QTMAN: variants seen among roughly 807,000 people sequenced by gnomAD.
The protein encoded by QTMAN is queuosine-tRNA mannosyltransferase, also known as tRNA-queuosine alpha-mannosyltransferase.
chr2:144,056,039 A>G, the QTMAN span, among the ~76,000 whole-genome samples: 9 of 151,952 alleles, frequency 5.9e-5, no homozygotes, highest in Admixed American at 5.9e-4. Flanking sequence ...TTTGAAGATT[A>G]TATTAGCTAA....
chr2:143,958,890 A>C, the QTMAN span, among the ~76,000 whole-genome samples: 1 of 151,564 alleles, frequency 6.6e-6, no homozygotes, highest in Non-Finnish European at 1.5e-5. Context: ...CAATGGGATA[A>C]AGTTAAATAC....
chr2:144,177,811 A>C, the QTMAN span, among the ~76,000 whole-genome samples: 26 of 152,312 alleles, frequency 1.7e-4, no homozygotes, highest in East Asian at 5.0e-3. Context: ...AGCCAGTGAA[A>C]TTTTCTAGTA....
the QTMAN span, among the ~76,000 whole-genome samples, chr2:144,150,383 A>G: frequency 1.1e-4 from 17 of 152,128 alleles, no homozygotes; most frequent in African/African-American, 3.9e-4. Context: ...AGTATTTTCT[A>G]TGATGATGAA....
chr2:144,023,317 A>G, the QTMAN span, among the ~76,000 whole-genome samples: 1 of 152,166 alleles, frequency 6.6e-6, no homozygotes, highest in African/African-American at 2.4e-5. Flanking sequence ...GGAAAAAAAA[A>G]GAAAAGAAAA....
chr2:144,217,456 T>C, the QTMAN span, among the ~76,000 whole-genome samples: 1 of 151,978 alleles, frequency 6.6e-6, no homozygotes, highest in Non-Finnish European at 1.5e-5. Flanking sequence ...TATAACACGG[T>C]ATATGTTTTA....
the QTMAN span, among the ~76,000 whole-genome samples, chr2:144,215,021 C>G: frequency 2.0e-5 from 3 of 151,956 alleles, no homozygotes; most frequent in Non-Finnish European, 2.9e-5. Flanking sequence ...GGTAGGAGAA[C>G]TGCTTGAACC....
At chr2:144,193,468 G>A in the QTMAN span, among the ~76,000 whole-genome samples, 227 of 147,792 alleles carry the variant, frequency 1.5e-3, 1 homozygote, top group African/African-American at 5.5e-3. Flanking sequence ...TATATGTTAT[G>A]TATATATTAT....
the QTMAN span, among the ~76,000 whole-genome samples, chr2:144,029,544 C>T: frequency 6.6e-6 from 1 of 151,722 alleles, no homozygotes; most frequent in Non-Finnish European, 1.5e-5. Flanking sequence ...TTTAGTTGCA[C>T]TAAGAACTCA....
the QTMAN span, among the ~76,000 whole-genome samples, chr2:144,120,479 G>T: frequency 6.6e-6 from 1 of 152,152 alleles, no homozygotes; most frequent in African/African-American, 2.4e-5. Context: ...AAGATAACCA[G>T]AAGGAAATAA....
At chr2:144,215,262 AT>A in the QTMAN span, among the ~76,000 whole-genome samples, 42 of 143,300 alleles carry the variant, frequency 2.9e-4, no homozygotes, top group Middle Eastern at 3.6e-3. Flanking sequence ...AAAAAAAAAA[AT>A]ATATATATAT....
the QTMAN span, chr2:144,128,292 A>G: frequency 6.6e-6 from 1 of 152,020 alleles, no homozygotes; most frequent in African/African-American, 2.4e-5. Flanking sequence ...TCACTCTTCA[A>G]ATAAGTTTTA....
chr2:144,291,161 T>C, the QTMAN span, among the ~76,000 whole-genome samples: 4 of 152,218 alleles, frequency 2.6e-5, no homozygotes, highest in African/African-American at 9.7e-5. Flanking sequence ...CCAGTCATAT[T>C]AGATTAGGGC....
At chr2:144,052,785 G>A in the QTMAN span, among the ~76,000 whole-genome samples, 4 of 152,130 alleles carry the variant, frequency 2.6e-5, no homozygotes, top group Non-Finnish European at 5.9e-5. Context: ...CTAAGTAGCT[G>A]GGATTACAGG....
the QTMAN span, among the ~76,000 whole-genome samples, chr2:144,158,149 T>C: frequency 2.6e-5 from 4 of 152,110 alleles, no homozygotes; most frequent in South Asian, 8.3e-4. Flanking sequence ...TAACAACTCC[T>C]TGTCTTGAAA....
At chr2:144,193,505 CGTGTGTGTGT>C in the QTMAN span, among the ~76,000 whole-genome samples, 3 of 146,130 alleles carry the variant, frequency 2.1e-5, no homozygotes, top group Non-Finnish European at 4.5e-5. Flanking sequence ...ATATATATTA[CGTGTGTGTGT>C]GTGTGTGTAT....
chr2:144,286,757 C>T, the QTMAN span, among the ~76,000 whole-genome samples: 1 of 152,084 alleles, frequency 6.6e-6, no homozygotes, highest in African/African-American at 2.4e-5. Flanking sequence ...GGGACAACTC[C>T]ACAGATTTGA....
chr2:144,147,459 C>T, the QTMAN span, among the ~76,000 whole-genome samples: 1 of 151,836 alleles, frequency 6.6e-6, no homozygotes, highest in African/African-American at 2.4e-5. Context: ...ACCTAAAAAT[C>T]TGATCTTTAG....
the QTMAN span, among the ~76,000 whole-genome samples, chr2:144,027,719 AAC>A: frequency 2.0e-5 from 3 of 152,220 alleles, no homozygotes; most frequent in Admixed American, 6.5e-5. Flanking sequence ...CATTGCTTTA[AAC>A]ACACACGCAC....
chr2:144,288,941 A>T, the QTMAN span, among the ~76,000 whole-genome samples: 1 of 152,178 alleles, frequency 6.6e-6, no homozygotes, highest in Non-Finnish European at 1.5e-5. Context: ...AAAGGAAGGA[A>T]GAAAGAGAAC....
Sources: allele counts gnomAD v4.1 joint callset (sites outside exome capture counted in the v4.1 genomes callset), GRCh38; gene constraint gnomAD v4.1.1; transcripts MANE v1.5; gene names NCBI Gene and HGNC (gene_info 2026-07-23, HGNC 2026-07-21).